The following DOCK4 variants were observed in gnomAD, a reference collection of about 807,000 sequenced individuals.
The protein encoded by DOCK4 is dedicator of cytokinesis protein 4.
A neutral mutation model predicts 268.1 loss-of-function variants in DOCK4; 97 were observed. The observed-to-expected ratio is 0.36, with a 90% confidence interval of 0.31 to 0.43. The LOEUF is 0.43. DOCK4 is among the 20% of genes least tolerant of loss of function. DOCK4 has a pLI of 1.00. For synonymous variants in DOCK4, 954 were observed against 887.2 expected, an observed-to-expected ratio of 1.08 and a Z score of -1.34; for missense variants, 2,145 against 2,455.7, an observed-to-expected ratio of 0.87 and a Z score of 2.67.
rs113826404 is a variant in DOCK4, at chr7:112,102,132, C to T, written c.38-98001G>A. Among the ~76,000 whole-genome samples the T allele has an allele frequency of 4.3e-3, 648 of 152,292 alleles. 5 individuals carry two copies. The highest frequency in any genetic ancestry group is 0.014 in the African/African-American group (596 of 41,558). ...TCTCCCCTCTCCGGCCGACCTCCCT[C>T]GGTTCTTGCTATAACGCTCCTTCTG... On this transcript the variant is annotated intron_variant, in intron 1 of 52. Transcript: ENST00000428084.
At chr7:111,939,853 G>A (rs1438354202) in intron 11 of DOCK4, among the ~76,000 whole-genome samples, 1 of 152,160 alleles carries the variant, frequency 6.6e-6, no homozygotes, top group East Asian at 1.9e-4. Flanking sequence ...TTCAAAGGTG[G>A]TATCCCACAT....
At chr7:111,792,227 G>T (rs916938457) in intron 30 of DOCK4, among the ~76,000 whole-genome samples, 1 of 152,210 alleles carries the variant, frequency 6.6e-6, no homozygotes, top group African/African-American at 2.4e-5. Flanking sequence ...CAGCATCATG[G>T]CTGAAAGCAC....
chr7:112,034,193 G>C (rs770948067), intron 1 of DOCK4, among the ~76,000 whole-genome samples: 5 of 152,184 alleles, frequency 3.3e-5, no homozygotes, highest in Admixed American at 6.5e-5. Flanking sequence ...GGTAACCATA[G>C]TGGAATCAAA....
intron 1 of DOCK4, among the ~76,000 whole-genome samples, chr7:112,095,198 A>C (rs901263345): frequency 2.0e-5 from 3 of 152,308 alleles, no homozygotes; most frequent in African/African-American, 7.2e-5. Context: ...ATGGATTATG[A>C]GCAAGGAGGA....
intron 1 of DOCK4, among the ~76,000 whole-genome samples, chr7:112,072,665 G>C (rs556362200): frequency 6.6e-6 from 1 of 152,292 alleles, no homozygotes; most frequent in South Asian, 2.1e-4. Flanking sequence ...TCAGGAGGTT[G>C]TTAAACTGTC....
chr7:111,917,702 T>A (rs80066235), intron 12 of DOCK4, among the ~76,000 whole-genome samples: 7,721 of 137,996 alleles, frequency 0.056, 683 homozygotes, highest in African/African-American at 0.19. Flanking sequence ...CGAGACCCCA[T>A]AATAAAAAAA....
intron 38 of DOCK4, 23 bp downstream of exon 38, chr7:111,767,009 C>T: frequency 6.3e-7 from 1 of 1,586,246 alleles, no homozygotes. Flanking sequence ...ATGGCCTGAT[C>T]AGGATGCATC....
intron 1 of DOCK4, among the ~76,000 whole-genome samples, chr7:112,037,535 T>C (rs758417366): frequency 6.6e-6 from 1 of 152,224 alleles, no homozygotes; most frequent in Non-Finnish European, 1.5e-5. Context: ...GATCATTATA[T>C]AAACGGACTC....
At chr7:111,799,563 G>A (rs1800123378) in intron 30 of DOCK4, among the ~76,000 whole-genome samples, 1 of 152,138 alleles carries the variant, frequency 6.6e-6, no homozygotes, top group Non-Finnish European at 1.5e-5. Flanking sequence ...TCAAGTCAAA[G>A]TCTAAAAAGC....
At chr7:112,159,829 T>C (rs1816934406) in intron 1 of DOCK4, among the ~76,000 whole-genome samples, 1 of 148,718 alleles carries the variant, frequency 6.7e-6, no homozygotes, top group Admixed American at 6.8e-5. Context: ...CATAATATTA[T>C]GTATATATAT....
intron 28 of DOCK4, among the ~76,000 whole-genome samples, chr7:111,811,568 A>G (rs538659005): frequency 6.6e-6 from 1 of 152,138 alleles, no homozygotes. Flanking sequence ...TTCTTCATAT[A>G]AACTCCATTT....
chr7:111,935,433 A>G (rs1794656715), intron 12 of DOCK4, 107 bp downstream of exon 12: 1 of 932,144 alleles, frequency 1.1e-6, no homozygotes. Context: ...TTAGGGAGTG[A>G]ATAGACAGAA....
intron 1 of DOCK4, among the ~76,000 whole-genome samples, chr7:112,202,864 GCTC>G (rs2116892826): frequency 6.6e-6 from 1 of 152,140 alleles, no homozygotes; most frequent in East Asian, 1.9e-4. Flanking sequence ...TGCCCATGGA[GCTC>G]CTACTAGCCA....
intron 46 of DOCK4, 121 bp from the exon 47 acceptor site, chr7:111,741,335 C>G (rs957346360): frequency 6.9e-7 from 1 of 1,450,364 alleles, no homozygotes; most frequent in Non-Finnish European, 9.4e-7. Flanking sequence ...TCCTGTTTGC[C>G]TCAATATAAT....
intron 1 of DOCK4, among the ~76,000 whole-genome samples, chr7:112,161,523 T>C (rs1377485418): frequency 6.6e-6 from 1 of 152,216 alleles, no homozygotes; most frequent in Non-Finnish European, 1.5e-5. Flanking sequence ...GGGATCTGTC[T>C]TTATCATTGT....
chr7:111,890,536 T>G (rs148862427), intron 16 of DOCK4, among the ~76,000 whole-genome samples: 10 of 152,332 alleles, frequency 6.6e-5, no homozygotes, highest in African/African-American at 2.4e-4. Context: ...TTTTTATAGA[T>G]TTCAGAGTTT....
intron 1 of DOCK4, among the ~76,000 whole-genome samples, chr7:112,013,805 T>C (rs569232456): frequency 1.4e-5 from 2 of 145,188 alleles, no homozygotes; most frequent in South Asian, 4.1e-4. Context: ...CTAACTCCAC[T>C]GCACCAATCC....
At position 111,886,904 on chromosome 7, in the gene DOCK4, C is replaced by T. The variant is rs535139403; in HGVS notation, c.1587+8708G>A. Among the ~76,000 whole-genome samples, 4 of 152,112 alleles carry T rather than the reference C, an allele frequency of 2.6e-5. No individual in the cohort carries two copies. In the South Asian group the frequency reaches 6.2e-4, roughly 24 times the overall value. On this transcript the variant is annotated intron_variant, in intron 16 of 52. Transcript: ENST00000428084. Reference sequence around the variant, plus strand: ...ATGGGAATTTCCTGTACTATTTTTGCAACTCTTCTATAAATTTAAAATATC... The same window carrying T: ...ATGGGAATTTCCTGTACTATTTTTGTAACTCTTCTATAAATTTAAAATATC...
intron 44 of DOCK4, 149 bp from the exon 45 acceptor site, chr7:111,742,281 G>T: frequency 1.3e-6 from 1 of 776,440 alleles, no homozygotes; most frequent in Admixed American, 4.2e-5. Context: ...TCACTTTACA[G>T]GTGAAGAAAA....
Sources: allele counts gnomAD v4.1 joint callset (sites outside exome capture counted in the v4.1 genomes callset), GRCh38; gene constraint gnomAD v4.1.1; transcripts MANE v1.5; gene names NCBI Gene and HGNC (gene_info 2026-07-23, HGNC 2026-07-21).